Variants in SYNRG observed in about 807,000 individuals in gnomAD.
The protein encoded by SYNRG is synergin gamma, also known as AP1 gamma subunit binding protein 1.
Under a neutral mutation model 130.9 loss-of-function variants are expected in SYNRG, and 37 were observed. The observed-to-expected ratio is 0.28, with a 90% CI of 0.22 to 0.37. SYNRG has a LOEUF of 0.37. SYNRG is among the 10% of genes least tolerant of loss of function. The pLI, the probability that SYNRG is intolerant of heterozygous loss-of-function variation, is 1.00. For missense variants in SYNRG, 1,338 were observed against 1,588.9 expected, an observed-to-expected ratio of 0.84 and a Z score of 2.68; for synonymous variants, 539 against 568.1, an observed-to-expected ratio of 0.95 and a Z score of 0.73.
At chr17:37,529,779 A>G (rs1340439751) in intron 19 of SYNRG, 1 of 1,551,374 alleles carries the variant, frequency 6.4e-7, no homozygotes, top group Non-Finnish European at 8.7e-7. Flanking sequence ...GGTCTCTGTG[A>G]TACCTTTTCT....
At chr17:37,555,567 T>C (rs192654633) in intron 13 of SYNRG, among the ~76,000 whole-genome samples, 17 of 152,334 alleles carry the variant, frequency 1.1e-4, no homozygotes, top group Admixed American at 5.2e-4. Context: ...CACTAGGCTA[T>C]ACCAGGTAAT....
Position 37,517,591 on chromosome 17 carries a change from G to A in SYNRG, c.*1349C>T, listed in dbSNP as rs573576505. The A allele has an allele frequency of 6.6e-6, 1 of 152,174 alleles. No homozygotes were observed. Among genetic ancestry groups the A allele is most frequent in the South Asian group, 2.1e-4 (1 of 4,824 alleles). 9.4% of individuals were successfully genotyped at this position (152,174 alleles called of 1,614,324 possible). ...GAGAACATGGAAAAGCTGTAAGATG[G>A]AGCAAGACAGAATTTGTCCTGAGAG... On this transcript the variant is annotated 3_prime_UTR_variant, in exon 22 of 22. Coordinates refer to ENST00000612223, the MANE Select transcript of SYNRG (RefSeq NM_007247.6).
intron 1 of SYNRG, among the ~76,000 whole-genome samples, chr17:37,608,823 A>G (rs1170928454): frequency 2.6e-5 from 4 of 152,144 alleles, no homozygotes; most frequent in African/African-American, 4.8e-5. Context: ...TAGTCCACAC[A>G]CACACCCCCC....
intron 13 of SYNRG, among the ~76,000 whole-genome samples, chr17:37,554,858 C>A (rs1412491926): frequency 6.6e-6 from 1 of 152,038 alleles, no homozygotes; most frequent in Non-Finnish European, 1.5e-5. Context: ...AATACCAACT[C>A]TATTATATAA....
intron 19 of SYNRG, among the ~76,000 whole-genome samples, chr17:37,523,976 C>T (rs1273777229): frequency 6.6e-6 from 1 of 152,158 alleles, no homozygotes; most frequent in Non-Finnish European, 1.5e-5. Context: ...ACGGGAGGGT[C>T]GCCAATCTGG....
At chr17:37,587,616 TC>T (rs1382904616) in intron 3 of SYNRG, among the ~76,000 whole-genome samples, 1 of 152,234 alleles carries the variant, frequency 6.6e-6, no homozygotes, top group Non-Finnish European at 1.5e-5. Context: ...CTTGTTCATG[TC>T]ATCTACTGAC....
At chr17:37,523,968 G>A (rs1169140631) in intron 19 of SYNRG, among the ~76,000 whole-genome samples, 1 of 152,212 alleles carries the variant, frequency 6.6e-6, no homozygotes, top group South Asian at 2.1e-4. Context: ...GTGAGACAAC[G>A]GGAGGGTCGC....
chr17:37,540,890 T>G (rs1568319197), intron 15 of SYNRG: 1 of 1,009,916 alleles, frequency 9.9e-7, no homozygotes, highest in Non-Finnish European at 1.2e-6. Context: ...CTGCCTCCCC[T>G]CCCAAAGCGT....
In SYNRG at chr17:37,579,213, C is replaced by T; in HGVS notation, c.590-1600G>A. ...GGGACGCCATGTAAGGCAAAAGGCA[C>T]TGGACTCTGACTTGGAGGGAGAGGC... On this transcript the variant is annotated intron_variant, in intron 6 of 21. Coordinates refer to ENST00000612223, the MANE Select transcript of SYNRG (RefSeq NM_007247.6). 4.0e-6 allele frequency: 5 copies of T among 1,258,564 alleles called. No homozygotes were observed. In the South Asian group the frequency reaches 6.8e-5, roughly 17 times the overall value. 78.0% of individuals were successfully genotyped at this position (1,258,564 alleles called of 1,614,324 possible).
chr17:37,570,762 C>T lies in SYNRG; in HGVS notation c.1222G>A (p.Gly408Ser). ...CTGAGGGGCATGGAGCCCGCAGGAC[C>T]TGAAGGTATCACAGTTGGCTGACTC... is the stretch of plus-strand genomic sequence containing the variant. ...PVSQPTVIPSGPAGSMPLSLG... is the reference protein window; with the variant it reads ...PVSQPTVIPSSPAGSMPLSLG... Residue 408 changes from glycine (G) to serine (S), a missense_variant, in exon 10 of 22, where the codon GGT becomes AGT. Physicochemically the swap from Gly to Ser is moderately conservative, Grantham distance 56 (BLOSUM62 0). Around this residue, in one of 3 missense-constraint regions of SYNRG, gnomAD observed 1,146 missense variants for 1,342.3 expected, o/e 0.85. Transcript: ENST00000612223. 6.2e-7 allele frequency: 1 copy of T among 1,614,168 alleles called. No homozygotes were observed. The highest frequency in any genetic ancestry group is 8.5e-7 in the Non-Finnish European group (1 of 1,180,034).
chr17:37,587,057 G>A (rs1281956022), intron 3 of SYNRG, among the ~76,000 whole-genome samples: 1 of 152,098 alleles, frequency 6.6e-6, no homozygotes, highest in East Asian at 1.9e-4. Flanking sequence ...TATAGAAAAT[G>A]ACACATATTC....
At chr17:37,580,107 T>C (rs1370301686) in intron 6 of SYNRG, among the ~76,000 whole-genome samples, 1 of 152,140 alleles carries the variant, frequency 6.6e-6, no homozygotes, top group Non-Finnish European at 1.5e-5. Flanking sequence ...AACCTACCAA[T>C]ATAGTGCTGA....
At chr17:37,560,151 T>A (rs948506702) in intron 13 of SYNRG, among the ~76,000 whole-genome samples, 1 of 151,894 alleles carries the variant, frequency 6.6e-6, no homozygotes, top group African/African-American at 2.4e-5. Flanking sequence ...GCTCAAGCCA[T>A]CCTCCCACTC....
chr17:37,602,090 C>T (rs1411636869), intron 1 of SYNRG, among the ~76,000 whole-genome samples: 1 of 151,928 alleles, frequency 6.6e-6, no homozygotes, highest in Non-Finnish European at 1.5e-5. Context: ...AATCCCAGCA[C>T]TTTGGGAGGC....
rs1158833537 is a variant in SYNRG at position 37,518,789 on chromosome 17, C to T, written c.*151G>A. 1.1e-5 allele frequency: 11 copies of T among 992,154 alleles called. No individual in the cohort carries two copies. Among genetic ancestry groups the T allele is most frequent in the Middle Eastern group, 3.5e-4 (1 of 2,876 alleles). The allele number at this position is 992,154 out of a possible 1,614,324, so 61.5% of individuals were successfully genotyped here. A position where few individuals can be genotyped will look rare whatever the true frequency, so the allele number is the denominator to read the frequency against. ...TTTACCTGAAGTCCTGCAGACTGGC[C>T]GTGGGGATGACGGGGGCCCCGTCCC... is the stretch of plus-strand genomic sequence containing the variant. On this transcript the variant is annotated 3_prime_UTR_variant, in exon 22 of 22. Transcript: ENST00000612223.
rs958364584 is a variant in SYNRG at position 37,518,583 on chromosome 17, C to G, written c.*357G>C. 4.6e-6 allele frequency: 1 copy of G among 216,860 alleles called. No homozygotes were observed. The highest frequency in any genetic ancestry group is 9.1e-6 in the Non-Finnish European group (1 of 109,504). 13.4% of individuals were successfully genotyped at this position (216,860 alleles called of 1,614,324 possible). A position where few individuals can be genotyped will look rare whatever the true frequency, so the allele number is the denominator to read the frequency against. ...AAAACAAGCACTGGCTCCAAGCAGT[C>G]GCCCATTCTAGTCCCGCAACGGTAA... On this transcript the variant is annotated 3_prime_UTR_variant, in exon 22 of 22. Coordinates refer to ENST00000612223, the MANE Select transcript of SYNRG (RefSeq NM_007247.6).
Position 37,553,192 on chromosome 17 carries a change from C to A in SYNRG, c.2531G>T (p.Gly844Val). Residue 844 changes from glycine (G) to valine (V), a missense_variant, in exon 14 of 22, where the codon GGA (glycine) becomes GTA (valine). By Grantham distance (109) the Gly-to-Val change is moderately radical (BLOSUM62 -3). This residue lies in a region of SYNRG where 1,146 missense variants were observed against 1,342.3 expected (regional missense o/e 0.85). Transcript: ENST00000612223. The stretch of plus-strand genomic sequence containing the variant: ...AGACATGACATGCTTAAGATCTCCT[C>A]CCACATCAGCCAATTTCATGTCAAA... ...VQFDMKLADV[G>V]GDLKHVMSDS... 2.5e-6 allele frequency: 4 copies of A among 1,614,120 alleles called. No homozygotes were observed. Among genetic ancestry groups the A allele is most frequent in the Admixed American group, 1.7e-5 (1 of 60,002 alleles).
At chr17:37,551,845 A>G (rs2058730395) in intron 14 of SYNRG, among the ~76,000 whole-genome samples, 1 of 151,094 alleles carries the variant, frequency 6.6e-6, no homozygotes, top group South Asian at 2.1e-4. Flanking sequence ...AACAGCAGCA[A>G]AAAAATAAGA....
intron 2 of SYNRG, among the ~76,000 whole-genome samples, chr17:37,600,155 C>A (rs1172203707): frequency 6.6e-6 from 1 of 152,122 alleles, no homozygotes; most frequent in African/African-American, 2.4e-5. Flanking sequence ...TTGGGAGAAA[C>A]GAGGAGTGAT....
Sources: gnomAD v4.1 joint callset for allele counts (sites outside exome capture counted in the v4.1 genomes callset) on GRCh38, gnomAD v4.1.1 for gene constraint, gnomAD v4.1.1 regional missense constraint, MANE v1.5 for transcripts, NCBI Gene and HGNC (gene_info 2026-07-23, HGNC 2026-07-21) for gene names.